KCNH8: variants seen among roughly 807,000 people sequenced by gnomAD.
KCNH8 encodes the protein potassium voltage-gated channel subfamily H member 8.
A neutral mutation model predicts 103.6 loss-of-function variants in KCNH8; 70 were observed. The observed-to-expected ratio is 0.68, with a 90% CI of 0.56 to 0.82. KCNH8 has a LOEUF of 0.82. KCNH8 is among the 40% of genes least tolerant of loss of function. The pLI is 0.00. For synonymous variants in KCNH8, 498 were observed against 489.4 expected (o/e 1.02, Z -0.23); for missense variants, 1,217 against 1,329.9 (o/e 0.92, Z 1.32).
At position 19,534,974 on chromosome 3, in the gene KCNH8, G is replaced by A. The variant is rs2069241769; in HGVS notation, c.*875G>A. The stretch of plus-strand genomic sequence containing the variant: ...AATGAAATAAAAACATGGACTGAGT[G>A]TCAACTACATGAGCTTTGGCATGGG... On this transcript the variant is annotated 3_prime_UTR_variant, in exon 16 of 16. Coordinates refer to ENST00000328405, the MANE Select transcript of KCNH8 (RefSeq NM_144633.3). The A allele has an allele frequency of 6.6e-6, 1 of 152,210 alleles. No individual in the cohort carries two copies. Among genetic ancestry groups the A allele is most frequent in the African/African-American group, 2.4e-5 (1 of 41,446 alleles). 9.4% of individuals were successfully genotyped at this position (152,210 alleles called of 1,614,324 possible). A position where few individuals can be genotyped will look rare whatever the true frequency, so the allele number is the denominator to read the frequency against.
chr3:19,354,801 C>T (rs140258175), intron 5 of KCNH8, among the ~76,000 whole-genome samples: 14,880 of 152,122 alleles, frequency 0.098, 876 homozygotes, highest in East Asian at 0.17. Context: ...TAGGCAATAC[C>T]ATTCAGGACA....
At chr3:19,353,720 G>A (rs1037557336) in intron 5 of KCNH8, among the ~76,000 whole-genome samples, 4 of 152,142 alleles carry the variant, frequency 2.6e-5, no homozygotes, top group Non-Finnish European at 2.9e-5. Context: ...ACTAGGTATT[G>A]ATGGGACGTA....
chr3:19,330,989 C>A (rs2065497245), intron 3 of KCNH8, among the ~76,000 whole-genome samples: 1 of 152,022 alleles, frequency 6.6e-6, no homozygotes, highest in Admixed American at 6.6e-5. Context: ...GCCATCTTCC[C>A]AGAAAGACAT....
chr3:19,258,937 CTCTCTCTCTCTATA>C (rs1359354820), intron 2 of KCNH8, among the ~76,000 whole-genome samples: 565 of 79,908 alleles, frequency 7.1e-3, no homozygotes, highest in Middle Eastern at 0.011. Context: ...CTCTCTCTCT[CTCTCTCTCTCTATA>C]TATATATATA....
At position 19,395,102 on chromosome 3, in the gene KCNH8, A is replaced by G; in HGVS notation, c.970-2A>G. On this transcript the variant is annotated splice_acceptor_variant, in intron 6 of 15. Transcript: ENST00000328405. LOFTEE classifies it high-confidence loss of function. ...GTTGTGCTGCTCTGTCTCTTACCAC[A>G]GGTGTCTCTCGTGCATCTTCTAAAG... 6.2e-7 allele frequency: 1 copy of G among 1,609,880 alleles called. No homozygotes were observed. Among genetic ancestry groups the G allele is most frequent in the Non-Finnish European group, 8.5e-7 (1 of 1,177,608 alleles).
At chr3:19,296,085 A>T (rs2064993823) in intron 3 of KCNH8, among the ~76,000 whole-genome samples, 1 of 152,156 alleles carries the variant, frequency 6.6e-6, no homozygotes, top group Admixed American at 6.5e-5. Context: ...ATAGATTTAT[A>T]TATATTTATT....
chr3:19,240,416 G>T (rs2064123443), intron 1 of KCNH8, among the ~76,000 whole-genome samples: 1 of 151,766 alleles, frequency 6.6e-6, no homozygotes, highest in Non-Finnish European at 1.5e-5. Flanking sequence ...AGTTCAAGAG[G>T]AGCCTGACCA....
chr3:19,203,109 CA>C (rs1306897087), intron 1 of KCNH8, among the ~76,000 whole-genome samples: 1 of 152,036 alleles, frequency 6.6e-6, no homozygotes, highest in Non-Finnish European at 1.5e-5. Context: ...CAAACAGGAA[CA>C]TATTAAAATG....
At chr3:19,349,312 T>A (rs2065768706) in intron 5 of KCNH8, among the ~76,000 whole-genome samples, 1 of 151,878 alleles carries the variant, frequency 6.6e-6, no homozygotes, top group Admixed American at 6.6e-5. Flanking sequence ...ATTGGGTGTG[T>A]CTGTGGTTTT....
chr3:19,347,957 T>G lies in KCNH8; in HGVS notation c.803T>G (p.Phe268Cys). Residue 268 changes from phenylalanine (F) to cysteine (C), a missense_variant, in exon 5 of 16, where the codon TTT becomes TGT. Transcript: ENST00000328405. The part of the protein sequence containing the change: ...TVSDIAVEIL[F>C]IIDIILNFRT... Reference sequence around the variant, plus strand: ...AGTGACATTGCAGTGGAGATTCTTTTTATTATAGGTAAGAACAAACAGCTG... The same window carrying G: ...AGTGACATTGCAGTGGAGATTCTTTGTATTATAGGTAAGAACAAACAGCTG... 6.2e-7 allele frequency: 1 copy of G among 1,612,714 alleles called. No homozygotes were observed. The highest frequency in any genetic ancestry group is 8.5e-7 in the Non-Finnish European group (1 of 1,179,136).
chr3:19,438,015 C>T, intron 7 of KCNH8, 149 bp from the exon 8 acceptor site: 6 of 679,320 alleles, frequency 8.8e-6, no homozygotes, highest in South Asian at 5.3e-5. Flanking sequence ...AGAATGAAAT[C>T]TAATAGCTTG....
intron 3 of KCNH8, among the ~76,000 whole-genome samples, chr3:19,315,396 C>G (rs1346722685): frequency 6.6e-6 from 1 of 151,978 alleles, no homozygotes; most frequent in Non-Finnish European, 1.5e-5. Context: ...GATAGCTCTA[C>G]AAATGCTGAT....
intron 1 of KCNH8, among the ~76,000 whole-genome samples, chr3:19,211,784 A>G (rs372813680): frequency 3.9e-5 from 6 of 152,194 alleles, no homozygotes; most frequent in Non-Finnish European, 8.8e-5. Flanking sequence ...ATGGAAAGTC[A>G]TGCTGGATTT....
chr3:19,185,206 A>T (rs2063490910), intron 1 of KCNH8, among the ~76,000 whole-genome samples: 1 of 151,858 alleles, frequency 6.6e-6, no homozygotes, highest in African/African-American at 2.4e-5. Flanking sequence ...GTCCTGCCAA[A>T]TTATTTTTTA....
chr3:19,352,613 C>A (rs1418575363), intron 5 of KCNH8, among the ~76,000 whole-genome samples: 2 of 152,162 alleles, frequency 1.3e-5, no homozygotes, highest in Non-Finnish European at 2.9e-5. Context: ...GGAAACTGAA[C>A]AATGTGCTCC....
intron 5 of KCNH8, among the ~76,000 whole-genome samples, chr3:19,371,905 A>G (rs1359473568): frequency 6.6e-6 from 1 of 150,604 alleles, no homozygotes; most frequent in Non-Finnish European, 1.5e-5. Context: ...CAGGTTTGTC[A>G]AAGATCAGAT....
At chr3:19,206,191 T>TTA (rs200576079) in intron 1 of KCNH8, among the ~76,000 whole-genome samples, 2,625 of 140,972 alleles carry the variant, frequency 0.019, 107 homozygotes, top group African/African-American at 0.071. Flanking sequence ...TATATCACAG[T>TTA]TATATATATA....
At chr3:19,399,996 T>G (rs1172363858) in intron 7 of KCNH8, among the ~76,000 whole-genome samples, 1 of 151,802 alleles carries the variant, frequency 6.6e-6, no homozygotes, top group Admixed American at 6.6e-5. Flanking sequence ...TGAACATGTT[T>G]CTGTCTGTAG....
rs374071422 is a variant in KCNH8 at position 19,148,692 on chromosome 3, A to T, written c.-28A>T. 6.2e-7 allele frequency: 1 copy of T among 1,610,164 alleles called. No individual in the cohort carries two copies. Among genetic ancestry groups the T allele is most frequent in the Admixed American group, 1.7e-5 (1 of 60,016 alleles). ...GAACCATCCTTCTGGACAAACTTTG[A>T]TGGAGAATTTCACACCACGCTGGAA... is the stretch of plus-strand genomic sequence containing the variant. On this transcript the variant is annotated 5_prime_UTR_variant, in exon 1 of 16. An upstream start codon of the reference 5' UTR is lost. Coordinates refer to ENST00000328405, the MANE Select transcript of KCNH8 (RefSeq NM_144633.3).
Sources: gnomAD v4.1 joint callset for allele counts (sites outside exome capture counted in the v4.1 genomes callset) on GRCh38, gnomAD v4.1.1 for gene constraint, MANE v1.5 for transcripts, NCBI Gene and HGNC (gene_info 2026-07-23, HGNC 2026-07-21) for gene names.